Variants in DCC observed in about 807,000 individuals in gnomAD.
DCC encodes DCC netrin 1 receptor.
Under a neutral mutation model 172.5 loss-of-function variants are expected in DCC, and 58 were observed. The ratio of observed to expected loss-of-function variants is 0.34; its 90% confidence interval spans 0.27 to 0.42. The LOEUF (loss-of-function observed/expected upper bound fraction) is 0.42, where lower values mean the gene tolerates loss of function less well. Ranked by LOEUF, DCC falls within the 10% of genes least tolerant of loss-of-function variation. The pLI, the probability that DCC is intolerant of heterozygous loss-of-function variation, is 1.00. For missense variants in DCC, 1,740 were observed against 1,791.0 expected, an observed-to-expected ratio of 0.97 and a Z score of 0.51; for synonymous variants, 709 against 644.5, an observed-to-expected ratio of 1.10 and a Z score of -1.52.
chr18:53,198,549 T>C (rs1293296126), intron 9 of DCC, among the ~76,000 whole-genome samples: 1 of 152,116 alleles, frequency 6.6e-6, no homozygotes, highest in East Asian at 1.9e-4. Flanking sequence ...CGGCTAACTT[T>C]TATATGCCGT....
chr18:53,451,976 G>C (rs2045420673), intron 23 of DCC, among the ~76,000 whole-genome samples: 1 of 152,282 alleles, frequency 6.6e-6, no homozygotes, highest in African/African-American at 2.4e-5. Context: ...GGTGATAGCT[G>C]GTGTGCTGCT....
chr18:52,484,229 C>A (rs2030095948), intron 1 of DCC, among the ~76,000 whole-genome samples: 1 of 152,066 alleles, frequency 6.6e-6, no homozygotes, highest in African/African-American at 2.4e-5. Flanking sequence ...TTATCAAGAC[C>A]ATCCTACTCA....
chr18:53,527,080 C>T (rs530061525), intron 28 of DCC: 48 of 350,710 alleles, frequency 1.4e-4, no homozygotes, highest in South Asian at 1.1e-3. Context: ...ACATGATATA[C>T]ACATGGATAC....
chr18:53,383,018 A>G lies in DCC; in HGVS notation c.2360-3025A>G, dbSNP rs537868374. 5.9e-5 allele frequency among the ~76,000 whole-genome samples: 9 copies of G among 152,192 alleles called. 1 individual carries two copies. The highest frequency in any genetic ancestry group is 5.9e-4 in the Admixed American group (9 of 15,302). ...AGATACAGAAAACCACATGCAACAA[A>G]TGTGTAATTTAATGAAGTATTATAA... is the stretch of plus-strand genomic sequence containing the variant. On this transcript the variant is annotated intron_variant, in intron 15 of 28. Coordinates refer to ENST00000442544, the MANE Select transcript of DCC (RefSeq NM_005215.4).
intron 11 of DCC, among the ~76,000 whole-genome samples, chr18:53,212,572 G>T (rs2055772894): frequency 6.6e-6 from 1 of 151,914 alleles, no homozygotes. Flanking sequence ...AGTTAGAGAA[G>T]AAATGTGCAC....
At chr18:52,911,730 AT>A (rs75361413) in intron 3 of DCC, among the ~76,000 whole-genome samples, 63,432 of 149,452 alleles carry the variant, frequency 0.42, 13,919 homozygotes, top group Non-Finnish European at 0.51. Flanking sequence ...CATATTTAAC[AT>A]TTTTTTTTTT....
chr18:53,198,030 C>A lies in DCC; in HGVS notation c.1574-7186C>A, dbSNP rs1037977565. On this transcript the variant is annotated intron_variant, in intron 9 of 28. Transcript: ENST00000442544. The stretch of plus-strand genomic sequence containing the variant: ...AAAATAGAAGTCTATTTCACAAACA[C>A]ATTTTAGCTTTGAAACAGTAGCATT... 2.0e-5 allele frequency among the ~76,000 whole-genome samples: 3 copies of A among 152,100 alleles called. No individual in the cohort carries two copies. In the South Asian group the frequency reaches 6.2e-4, roughly 31 times the overall value.
chr18:53,074,772 T>A (rs1391996238), intron 7 of DCC, among the ~76,000 whole-genome samples: 1 of 152,140 alleles, frequency 6.6e-6, no homozygotes, highest in Non-Finnish European at 1.5e-5. Context: ...ATGAGATGTG[T>A]CCACATCTCA....
intron 25 of DCC, among the ~76,000 whole-genome samples, chr18:53,468,638 C>T (rs1431103657): frequency 6.6e-6 from 1 of 152,124 alleles, no homozygotes; most frequent in Admixed American, 6.6e-5. Context: ...CTTCTTCAGC[C>T]TCCCAAAGTG....
At chr18:53,274,240 T>C (rs866213001) in intron 12 of DCC, among the ~76,000 whole-genome samples, 6 of 152,262 alleles carry the variant, frequency 3.9e-5, no homozygotes, top group South Asian at 2.1e-4. Context: ...AGGGCTGTTA[T>C]CGATTCTACA....
intron 2 of DCC, among the ~76,000 whole-genome samples, chr18:52,786,916 T>C (rs960732533): frequency 6.6e-6 from 1 of 152,082 alleles, no homozygotes; most frequent in African/African-American, 2.4e-5. Context: ...TCCAATTGTG[T>C]CCCATTGCAA....
At chr18:52,394,445 G>GTT (rs760727819) in intron 1 of DCC, among the ~76,000 whole-genome samples, 161 of 146,840 alleles carry the variant, frequency 1.1e-3, no homozygotes, top group Middle Eastern at 7.0e-3. Flanking sequence ...TTTTAAAGTG[G>GTT]TTTTTTTTTT....
intron 12 of DCC, among the ~76,000 whole-genome samples, chr18:53,299,747 T>G (rs958984401): frequency 6.6e-6 from 1 of 152,202 alleles, no homozygotes; most frequent in Non-Finnish European, 1.5e-5. Flanking sequence ...CTTGAACTTC[T>G]CATAGGAGGC....
chr18:53,234,046 T>A (rs942371135), intron 12 of DCC, among the ~76,000 whole-genome samples: 2 of 151,984 alleles, frequency 1.3e-5, no homozygotes, highest in African/African-American at 2.4e-5. Context: ...AGGTTGGGAG[T>A]TCGAGACCAG....
intron 12 of DCC, among the ~76,000 whole-genome samples, chr18:53,278,611 A>C (rs1439049547): frequency 6.6e-6 from 1 of 152,148 alleles, no homozygotes; most frequent in East Asian, 1.9e-4. Flanking sequence ...ATTTTTTAAA[A>C]AGGAAAGCCT....
intron 2 of DCC, among the ~76,000 whole-genome samples, chr18:52,791,755 G>A (rs946834807): frequency 4.6e-5 from 7 of 152,074 alleles, no homozygotes; most frequent in African/African-American, 1.7e-4. Context: ...GCTGATTTGA[G>A]CTCTATATCC....
chr18:53,300,480 C>T (rs1226274060), intron 12 of DCC, among the ~76,000 whole-genome samples: 1 of 152,056 alleles, frequency 6.6e-6, no homozygotes, highest in East Asian at 1.9e-4. Flanking sequence ...GAAGCACTGT[C>T]CAGTGTTCCT....
chr18:52,979,680 T>A (rs1445271612), intron 5 of DCC, among the ~76,000 whole-genome samples: 1 of 152,308 alleles, frequency 6.6e-6, no homozygotes, highest in East Asian at 1.9e-4. Flanking sequence ...ATGAGGAGTC[T>A]GAGATTGATT....
Position 52,386,239 on chromosome 18 carries a change from C to T in DCC, c.91+45361C>T, listed in dbSNP as rs1439943033. Among the ~76,000 whole-genome samples, 6 of 152,044 alleles carry T rather than the reference C, an allele frequency of 3.9e-5. 1 individual carries two copies. Among genetic ancestry groups the T allele is most frequent in the African/African-American group, 1.2e-4 (5 of 41,376 alleles). ...GCTATTTCAGAACATTTCCCATCTG[C>T]CAGATTACCAAACAACAGTGATTGG... On this transcript the variant is annotated intron_variant, in intron 1 of 28. Transcript: ENST00000442544.
Sources: gnomAD v4.1 joint callset for allele counts (sites outside exome capture counted in the v4.1 genomes callset) on GRCh38, gnomAD v4.1.1 for gene constraint, MANE v1.5 for transcripts, NCBI Gene and HGNC (gene_info 2026-07-23, HGNC 2026-07-21) for gene names.